Variants in ADK observed in about 807,000 individuals in gnomAD.
The protein encoded by ADK is N6,N6-dimethyladenosine kinase.
A neutral mutation model predicts 44.7 loss-of-function variants in ADK; 24 were observed. The observed-to-expected ratio is 0.54, with a 90% CI of 0.39 to 0.76. ADK has a LOEUF of 0.76. Ranked by LOEUF, ADK falls within the 30% of genes least tolerant of loss-of-function variation. The pLI, the probability that ADK is intolerant of heterozygous loss-of-function variation, is 0.00. For missense variants in ADK, 321 were observed against 425.1 expected, an observed-to-expected ratio of 0.76 and a Z score of 2.15; for synonymous variants, 128 against 142.6, an observed-to-expected ratio of 0.90 and a Z score of 0.73.
At chr10:74,234,841 C>T (rs1844900701) in intron 3 of ADK, among the ~76,000 whole-genome samples, 1 of 152,128 alleles carries the variant, frequency 6.6e-6, no homozygotes, top group East Asian at 1.9e-4. Context: ...TTATCTATAA[C>T]ATTTCCCTGT....
chr10:74,172,137 CTTT>C (rs3998223), intron 1 of ADK, among the ~76,000 whole-genome samples: 40 of 122,658 alleles, frequency 3.3e-4, no homozygotes, highest in Non-Finnish European at 4.0e-4. Flanking sequence ...CATGGATTTT[CTTT>C]TTTTTTTTTT....
intron 7 of ADK, among the ~76,000 whole-genome samples, chr10:74,536,755 T>C (rs1225925538): frequency 6.6e-6 from 1 of 152,200 alleles, no homozygotes; most frequent in Non-Finnish European, 1.5e-5. Flanking sequence ...AGTAGGATCA[T>C]ACAAAAGTTG....
At chr10:74,647,276 A>G (rs1463353040) in intron 9 of ADK, among the ~76,000 whole-genome samples, 1 of 152,220 alleles carries the variant, frequency 6.6e-6, no homozygotes, top group Non-Finnish European at 1.5e-5. Context: ...GACGATATAG[A>G]GTTATGTCCC....
chr10:74,596,433 G>T (rs1396245516), intron 8 of ADK, among the ~76,000 whole-genome samples: 1 of 152,128 alleles, frequency 6.6e-6, no homozygotes, highest in African/African-American at 2.4e-5. Context: ...CTGTTGCCCT[G>T]ACTGAAATGC....
intron 7 of ADK, among the ~76,000 whole-genome samples, chr10:74,580,430 C>G (rs1158985352): frequency 6.6e-6 from 1 of 152,048 alleles, no homozygotes; most frequent in Non-Finnish European, 1.5e-5. Flanking sequence ...ACAAAATTAG[C>G]CAGGCATGGT....
At chr10:74,684,286 A>G (rs1292573096) in intron 10 of ADK, among the ~76,000 whole-genome samples, 1 of 152,184 alleles carries the variant, frequency 6.6e-6, no homozygotes, top group East Asian at 1.9e-4. Flanking sequence ...CAAGATTGTG[A>G]CTTGTTAAAT....
At chr10:74,501,869 CTT>C (rs1847896977) in intron 6 of ADK, among the ~76,000 whole-genome samples, 2 of 151,968 alleles carry the variant, frequency 1.3e-5, no homozygotes, top group African/African-American at 4.8e-5. Flanking sequence ...TGGGGAATAA[CTT>C]TTTAATGGGA....
At chr10:74,160,834 A>T (rs554471109) in intron 1 of ADK, among the ~76,000 whole-genome samples, 1 of 152,206 alleles carries the variant, frequency 6.6e-6, no homozygotes, top group South Asian at 2.1e-4. Context: ...CAACTCCGAC[A>T]GGACCTTGTA....
chr10:74,404,915 GT>G (rs1470681683), intron 6 of ADK, among the ~76,000 whole-genome samples: 1 of 152,094 alleles, frequency 6.6e-6, no homozygotes, highest in African/African-American at 2.4e-5. Flanking sequence ...TTGTGCTTGG[GT>G]TTTGTTTAAC....
chr10:74,168,536 CAA>C (rs140065598), intron 1 of ADK, among the ~76,000 whole-genome samples: 150 of 98,862 alleles, frequency 1.5e-3, no homozygotes, highest in African/African-American at 1.2e-3. Flanking sequence ...GAGACTGTCT[CAA>C]AAAAAAAAAA....
chr10:74,452,402 A>T (rs1410795593), intron 6 of ADK, among the ~76,000 whole-genome samples: 1 of 151,932 alleles, frequency 6.6e-6, no homozygotes, highest in African/African-American at 2.4e-5. Context: ...GACACATATG[A>T]ATGTAGTGGG....
chr10:74,160,807 G>A (rs1841876783), intron 1 of ADK, among the ~76,000 whole-genome samples: 1 of 151,742 alleles, frequency 6.6e-6, no homozygotes, highest in Non-Finnish European at 1.5e-5. Context: ...GGGTGTTGAT[G>A]GGTACACTGT....
intron 7 of ADK, among the ~76,000 whole-genome samples, chr10:74,573,223 A>G (rs1456634202): frequency 1.3e-5 from 2 of 152,088 alleles, no homozygotes; most frequent in Non-Finnish European, 2.9e-5. Context: ...CTTCTAACAG[A>G]CAGGACCCTC....
intron 7 of ADK, among the ~76,000 whole-genome samples, chr10:74,577,565 G>A (rs565784296): frequency 6.6e-6 from 1 of 151,078 alleles, no homozygotes; most frequent in African/African-American, 2.4e-5. Flanking sequence ...CTGACCTGGG[G>A]GATATTACCT....
chr10:74,188,343 A>ATTTTTTTTTTTT (rs765922880), intron 1 of ADK, among the ~76,000 whole-genome samples: 14 of 81,358 alleles, frequency 1.7e-4, no homozygotes, highest in African/African-American at 5.1e-4. Flanking sequence ...TGTATTTTTA[A>ATTTTTTTTTTTT]TTTTTTTTTT....
At chr10:74,202,663 G>A (rs1237345734) in intron 2 of ADK, among the ~76,000 whole-genome samples, 2 of 152,196 alleles carry the variant, frequency 1.3e-5, no homozygotes, top group African/African-American at 4.8e-5. Context: ...ATGAGTGGGT[G>A]TGAAATGATG....
chr10:74,176,464 A>C (rs1314592777), intron 1 of ADK: 1 of 1,101,160 alleles, frequency 9.1e-7, no homozygotes, highest in East Asian at 6.5e-5. Flanking sequence ...TGGCCACGTG[A>C]CTGCTAAACC....
chr10:74,469,384 G>A (rs1031161331), intron 6 of ADK, among the ~76,000 whole-genome samples: 1 of 152,074 alleles, frequency 6.6e-6, no homozygotes, highest in Admixed American at 6.5e-5. Context: ...TTTAGAGATA[G>A]GGTCTCACTG....
intron 6 of ADK, among the ~76,000 whole-genome samples, chr10:74,420,058 A>C (rs1327147428): frequency 6.6e-6 from 1 of 152,192 alleles, no homozygotes; most frequent in African/African-American, 2.4e-5. Context: ...AGGAAGCTAA[A>C]ATCTTAAAGT....
Sources: allele counts gnomAD v4.1 joint callset (sites outside exome capture counted in the v4.1 genomes callset), GRCh38; gene constraint gnomAD v4.1.1; transcripts MANE v1.5; gene names NCBI Gene and HGNC (gene_info 2026-07-23, HGNC 2026-07-21).